KIAA2012: variants seen among roughly 807,000 people sequenced by gnomAD.
The protein encoded by KIAA2012 is uncharacterized protein KIAA2012.
Under a neutral mutation model 150.6 loss-of-function variants are expected in KIAA2012, and 125 were observed. The ratio of observed to expected loss-of-function variants is 0.83; its 90% CI spans 0.72 to 0.96. The LOEUF is 0.96. Ranked by LOEUF, KIAA2012 falls within the 40% of genes least tolerant of loss-of-function variation. The pLI is 0.00. For missense variants in KIAA2012, 1,219 were observed against 1,354.9 expected (o/e 0.90, Z 1.57); for synonymous variants, 462 against 504.7 (o/e 0.92, Z 1.13).
chr2:202,111,748 A>AATGTATGTGTCATATGCTC (rs1210633658), intron 10 of KIAA2012, among the ~76,000 whole-genome samples: 1 of 152,084 alleles, frequency 6.6e-6, no homozygotes, highest in Admixed American at 6.6e-5. Flanking sequence ...CAGTCCTGTG[A>AATGTATGTGTCATATGCTC]ATGTATGTGT....
intron 11 of KIAA2012, among the ~76,000 whole-genome samples, chr2:202,119,303 T>C (rs1347630169): frequency 6.6e-6 from 1 of 152,142 alleles, no homozygotes; most frequent in Non-Finnish European, 1.5e-5. Flanking sequence ...TAGCTTGCTT[T>C]GAATCCACTA....
chr2:202,193,324 G>A lies in KIAA2012; in HGVS notation c.2835G>A (p.Gln945=), dbSNP rs1336293716. ...AGGCCCTCCTCACTAAGAGGGAGCA[G>A]GAGAAGGCTTCCTGGGACAGGCTTC... ...PSKALLTKRE[Q]EKASWDRLRA... is the part of the protein sequence containing the mutation. The change falls in exon 20 of 24, where the codon CAG becomes CAA. Residue 945 remains glutamine (Q), a synonymous_variant. Coordinates refer to ENST00000498697, the MANE Select transcript of KIAA2012 (RefSeq NM_001277372.4). 1 of 1,549,872 alleles carries A rather than the reference G, an allele frequency of 6.5e-7. No homozygotes were observed. Among genetic ancestry groups the A allele is most frequent in the Non-Finnish European group, 8.7e-7 (1 of 1,146,820 alleles).
At chr2:202,119,220 C>G (rs763466837) in intron 11 of KIAA2012, among the ~76,000 whole-genome samples, 1 of 151,642 alleles carries the variant, frequency 6.6e-6, no homozygotes, top group Non-Finnish European at 1.5e-5. Flanking sequence ...TGCAGTGAGC[C>G]AAGATAGTGC....
At chr2:202,187,170 G>T in intron 17 of KIAA2012, 72 bp downstream of exon 17, 2 of 1,483,504 alleles carry the variant, frequency 1.3e-6, no homozygotes, top group Non-Finnish European at 1.8e-6. Context: ...ATGCACAGTT[G>T]TATAGATTGC....
At chr2:202,085,646 A>T (rs1689549379) in intron 2 of KIAA2012, among the ~76,000 whole-genome samples, 1 of 152,224 alleles carries the variant, frequency 6.6e-6, no homozygotes, top group Admixed American at 6.5e-5. Flanking sequence ...AACCTCCAGA[A>T]CAGTATGAGA....
chr2:202,138,673 A>T (rs1691135291), intron 13 of KIAA2012, among the ~76,000 whole-genome samples, 165 bp downstream of exon 13: 1 of 151,792 alleles, frequency 6.6e-6, no homozygotes, highest in Non-Finnish European at 1.5e-5. Flanking sequence ...AGGTTCCTTT[A>T]CTCTTAGACT....
chr2:202,158,202 G>A (rs983804730), intron 14 of KIAA2012, among the ~76,000 whole-genome samples: 7 of 152,092 alleles, frequency 4.6e-5, no homozygotes, highest in Admixed American at 6.5e-5. Flanking sequence ...CACCATGTCA[G>A]CCAGGATGGT....
chr2:202,074,839 A>G, intron 1 of KIAA2012, 52 bp from the exon 2 acceptor site: 1 of 1,488,560 alleles, frequency 6.7e-7, no homozygotes, highest in South Asian at 1.4e-5. Flanking sequence ...AGTATTTGCT[A>G]TAGAAAGGTC....
In KIAA2012 at chr2:202,106,696, A is replaced by AT. The variant is rs1394597954; in HGVS notation, c.1474+786_1474+787insT. On this transcript the variant is annotated intron_variant, in intron 9 of 23. Transcript: ENST00000498697. ...AGCAAGACCCTGTCTAAAAATAAAA[A>AT]AAAAAAATTTTTTTTAAAAAGTCCA... Among the ~76,000 whole-genome samples, 8 of 134,688 alleles carry AT rather than the reference A, an allele frequency of 5.9e-5. No homozygotes were observed. In the East Asian group the frequency reaches 6.2e-4, roughly 10 times the overall value. 88.4% of individuals were successfully genotyped at this position (134,688 alleles called of 152,430 possible).
At chr2:202,139,234 G>GAAAAAAAAAAAAAA (rs112360052) in intron 13 of KIAA2012, among the ~76,000 whole-genome samples, 1 of 116,368 alleles carries the variant, frequency 8.6e-6, no homozygotes. Context: ...CCTGTCTCAG[G>GAAAAAAAAAAAAAA]AAAAAAAAAA....
chr2:202,125,307 C>T (rs1404267159), intron 12 of KIAA2012, 25 bp downstream of exon 12: 2 of 1,514,918 alleles, frequency 1.3e-6, no homozygotes, highest in Non-Finnish European at 1.8e-6. Flanking sequence ...TAAAAAGTCA[C>T]CTCGACTTCT....
rs1445883588 is a variant in KIAA2012, at chr2:202,073,726, T to A, written c.84+15T>A. On this transcript the variant is annotated intron_variant, in intron 1 of 23. Transcript: ENST00000498697. ...TTGAACCAGAGGTGAGTCCCACAGCTGAAGAAAGGCACATTTTGGAGGTGG... is the reference window on the plus strand; with the variant it reads ...TTGAACCAGAGGTGAGTCCCACAGCAGAAGAAAGGCACATTTTGGAGGTGG... The A allele has an allele frequency of 1.3e-6, 2 of 1,548,284 alleles. No homozygotes were observed. The highest frequency in any genetic ancestry group is 2.0e-5 in the Admixed American group (1 of 50,922).
At chr2:202,101,455 C>T (rs1177914946) in intron 7 of KIAA2012, among the ~76,000 whole-genome samples, 2 of 152,362 alleles carry the variant, frequency 1.3e-5, no homozygotes, top group Admixed American at 6.5e-5. Flanking sequence ...AAGGAAAGCC[C>T]TCGACTTTGC....
intron 12 of KIAA2012, among the ~76,000 whole-genome samples, chr2:202,129,873 G>C (rs1221052265): frequency 3.9e-5 from 6 of 152,214 alleles, no homozygotes; most frequent in Non-Finnish European, 8.8e-5. Context: ...ACAGAGGCAT[G>C]AAGTCAAATC....
chr2:202,143,608 C>T (rs1168147886), intron 13 of KIAA2012, among the ~76,000 whole-genome samples: 6 of 147,580 alleles, frequency 4.1e-5, no homozygotes, highest in Non-Finnish European at 8.9e-5. Flanking sequence ...TAAGGAAAGA[C>T]AGATCATGAG....
At chr2:202,134,327 C>T (rs1022681868) in intron 12 of KIAA2012, among the ~76,000 whole-genome samples, 1 of 152,046 alleles carries the variant, frequency 6.6e-6, no homozygotes, top group Admixed American at 6.6e-5. Context: ...CCAACAGCTA[C>T]TGCCCTTGTA....
chr2:202,073,401 G>A lies in KIAA2012; in HGVS notation c.-227G>A, dbSNP rs933014486. On this transcript the variant is annotated 5_prime_UTR_variant, in exon 1 of 24. Coordinates refer to ENST00000498697, the MANE Select transcript of KIAA2012 (RefSeq NM_001277372.4). ...GACAATCCAGGGCTTGAGGAGGCTG[G>A]CTGTGCGGTTTATTTTTTCTCTCCA... is the stretch of plus-strand genomic sequence containing the variant. 8.4e-6 allele frequency: 4 copies of A among 474,856 alleles called. No individual in the cohort carries two copies. Among genetic ancestry groups the A allele is most frequent in the African/African-American group, 7.7e-5 (4 of 51,860 alleles). 29.4% of individuals were successfully genotyped at this position (474,856 alleles called of 1,614,324 possible).
At chr2:202,124,592 A>G (rs1690735819) in intron 11 of KIAA2012, among the ~76,000 whole-genome samples, 2 of 152,232 alleles carry the variant, frequency 1.3e-5, no homozygotes, top group African/African-American at 4.8e-5. Flanking sequence ...ATCTTGCAGC[A>G]TGTGTCAAAC....
chr2:202,130,210 T>A (rs1690899568), intron 12 of KIAA2012, among the ~76,000 whole-genome samples: 1 of 152,198 alleles, frequency 6.6e-6, no homozygotes, highest in Admixed American at 6.5e-5. Flanking sequence ...TTATTTATAG[T>A]CTCATTAAGA....
Sources: gnomAD v4.1 joint callset for allele counts (sites outside exome capture counted in the v4.1 genomes callset) on GRCh38, gnomAD v4.1.1 for gene constraint, MANE v1.5 for transcripts, NCBI Gene and HGNC (gene_info 2026-07-23, HGNC 2026-07-21) for gene names.